Variants in TBPL1 observed in about 807,000 individuals in gnomAD.
TBPL1 encodes the protein TATA box-binding protein-like 1.
TBPL1 carries 4 observed loss-of-function variants against 22.1 expected under a neutral mutation model. The ratio of observed to expected loss-of-function variants is 0.18; its 90% confidence interval spans 0.09 to 0.41. The LOEUF (loss-of-function observed/expected upper bound fraction) is 0.41, where lower values mean the gene tolerates loss of function less well. Among genes scored for constraint, TBPL1 ranks in the 10% least tolerant of loss-of-function variants. The pLI is 1.00. For synonymous variants in TBPL1, 64 were observed against 71.0 expected (o/e 0.90, Z 0.50); for missense variants, 115 against 222.3 (o/e 0.52, Z 3.07).
intron 1 of TBPL1, among the ~76,000 whole-genome samples, chr6:133,958,689 T>G (rs1775967282): frequency 6.6e-6 from 1 of 152,220 alleles, no homozygotes; most frequent in Non-Finnish European, 1.5e-5. Flanking sequence ...AATTGCAGAC[T>G]GTTCTTTCCT....
At chr6:133,967,199 T>TG (rs1776135062) in intron 1 of TBPL1, among the ~76,000 whole-genome samples, 2 of 152,198 alleles carry the variant, frequency 1.3e-5, no homozygotes, top group Non-Finnish European at 2.9e-5. Flanking sequence ...TCCCCTAGTA[T>TG]GGGTCTTAAT....
chr6:133,958,931 G>A (rs924614663), intron 1 of TBPL1, among the ~76,000 whole-genome samples: 7 of 152,208 alleles, frequency 4.6e-5, no homozygotes, highest in Non-Finnish European at 8.8e-5. Context: ...GTATTTAGAG[G>A]TGTGACTTTT....
At chr6:133,954,839 CTAT>C (rs1775899512) in intron 1 of TBPL1, among the ~76,000 whole-genome samples, 1 of 152,090 alleles carries the variant, frequency 6.6e-6, no homozygotes, top group Admixed American at 6.5e-5. Context: ...CTCTAGTGAC[CTAT>C]TACTATGTGC....
At chr6:133,972,808 C>T (rs777791416) in intron 1 of TBPL1, among the ~76,000 whole-genome samples, 2 of 152,082 alleles carry the variant, frequency 1.3e-5, no homozygotes, top group Non-Finnish European at 2.9e-5. Context: ...GTAATAGCCA[C>T]CATTTAATGA....
chr6:133,972,515 T>C (rs1397525942), intron 1 of TBPL1, among the ~76,000 whole-genome samples: 1 of 152,212 alleles, frequency 6.6e-6, no homozygotes, highest in Non-Finnish European at 1.5e-5. Flanking sequence ...GTAAATATTT[T>C]AGGCTTGTGG....
chr6:133,969,049 A>G (rs1289337856), intron 1 of TBPL1: 1 of 152,194 alleles, frequency 6.6e-6, no homozygotes, highest in African/African-American at 2.4e-5. Context: ...AAACATTATT[A>G]AGATGAGACA....
rs1349066512 is a variant in TBPL1, at chr6:133,985,296, AAATATATATATATATATATATAT to A, written c.481+627_481+649del. Among the ~76,000 whole-genome samples the A allele has an allele frequency of 8.8e-4, 61 of 69,020 alleles. 17 individuals are homozygous for A. Among genetic ancestry groups the A allele is most frequent in the Non-Finnish European group, 1.5e-3 (55 of 35,618 alleles). The allele number at this position is 69,020 out of a possible 152,430, so 45.3% of individuals were successfully genotyped here. On this transcript the variant is annotated intron_variant, in intron 6 of 6. Coordinates refer to ENST00000237264, the MANE Select transcript of TBPL1 (RefSeq NM_004865.4). Reference sequence around the variant, plus strand: ...CTGTCTAAAAAAAAAAAAAAAAAAAAAATATATATATATATATATATATATATATATATATATATATACACACA... The same window carrying A: ...CTGTCTAAAAAAAAAAAAAAAAAAAAATATATATATATATATATACACACA...
At position 133,987,100 on chromosome 6, in the gene TBPL1, G is replaced by T; in HGVS notation, c.*60G>T. The T allele has an allele frequency of 1.7e-6, 2 of 1,178,234 alleles. No individual in the cohort carries two copies. The highest frequency in any genetic ancestry group is 2.4e-6 in the Non-Finnish European group (2 of 820,944). The allele number at this position is 1,178,234 out of a possible 1,614,324, so 73.0% of individuals were successfully genotyped here. A position where few individuals can be genotyped will look rare whatever the true frequency, so the allele number is the denominator to read the frequency against. On this transcript the variant is annotated 3_prime_UTR_variant, in exon 7 of 7. Coordinates refer to ENST00000237264, the MANE Select transcript of TBPL1 (RefSeq NM_004865.4). ...CACCTTTTAAACCTGCTGCACATTG[G>T]ACTCAAAAGGAAAACTGGACCAACA...
intron 6 of TBPL1, among the ~76,000 whole-genome samples, chr6:133,985,567 AG>A (rs1776504665): frequency 6.6e-6 from 1 of 151,824 alleles, no homozygotes; most frequent in African/African-American, 2.4e-5. Context: ...CATGTCAGAG[AG>A]TAGCATTAGC....
intron 1 of TBPL1, among the ~76,000 whole-genome samples, chr6:133,967,226 C>T (rs1213717393): frequency 3.3e-5 from 5 of 152,162 alleles, no homozygotes; most frequent in Non-Finnish European, 7.3e-5. Context: ...ATTTCCAGTT[C>T]ATTGTTATAG....
intron 1 of TBPL1, among the ~76,000 whole-genome samples, chr6:133,964,196 T>A (rs1157777942): frequency 6.6e-6 from 1 of 152,172 alleles, no homozygotes; most frequent in Non-Finnish European, 1.5e-5. Context: ...AATTTCAGGT[T>A]TTAAAAATGT....
chr6:133,976,276 A>C (rs1040539997), intron 1 of TBPL1, among the ~76,000 whole-genome samples: 13 of 152,220 alleles, frequency 8.5e-5, no homozygotes, highest in African/African-American at 3.1e-4. Context: ...TATAGTTAAG[A>C]GTTTGAAATG....
chr6:133,953,013 T>G (rs1189635709), upstream of TBPL1, among the ~76,000 whole-genome samples: 8 of 142,608 alleles, frequency 5.6e-5, no homozygotes, highest in South Asian at 2.4e-4. Context: ...GCCCAGCGGG[T>G]GGGCAGGAGG....
intron 1 of TBPL1, among the ~76,000 whole-genome samples, 199 bp downstream of exon 1, chr6:133,953,624 C>T (rs1775876598): frequency 6.6e-6 from 1 of 151,940 alleles, no homozygotes; most frequent in African/African-American, 2.4e-5. Context: ...GGGCTCAGTT[C>T]TGAAGAGGAC....
chr6:133,963,556 G>C (rs1205238889), intron 1 of TBPL1, among the ~76,000 whole-genome samples: 2 of 152,082 alleles, frequency 1.3e-5, no homozygotes, highest in African/African-American at 4.8e-5. Context: ...GAGTAGCTGG[G>C]CCTATAGGCA....
At position 133,982,926 on chromosome 6, in the gene TBPL1, AT is replaced by A. The variant is rs773794802; in HGVS notation, c.282+51del. 19 of 1,520,392 alleles carry A rather than the reference AT, an allele frequency of 1.2e-5. No individual in the cohort carries two copies. In the South Asian group the frequency reaches 2.1e-4, roughly 17 times the overall value. The allele number at this position is 1,520,392 out of a possible 1,614,324, so 94.2% of individuals were successfully genotyped here. A position where few individuals can be genotyped will look rare whatever the true frequency, so the allele number is the denominator to read the frequency against. ...CTAAACTACAAATATTCAAGGACTTATTTTTATAGAATTAAAAATTGTAATA... is the reference window on the plus strand; with the variant it reads ...CTAAACTACAAATATTCAAGGACTTATTTTATAGAATTAAAAATTGTAATA... On this transcript the variant is annotated intron_variant, in intron 4 of 6. Coordinates refer to ENST00000237264, the MANE Select transcript of TBPL1 (RefSeq NM_004865.4).
intron 1 of TBPL1, among the ~76,000 whole-genome samples, chr6:133,957,588 GT>G (rs1346145499): frequency 5.9e-4 from 90 of 152,232 alleles, no homozygotes; most frequent in Non-Finnish European, 1.5e-4. Flanking sequence ...AGACAGAAGA[GT>G]TTTGATCAGA....
At chr6:133,984,165 C>G (rs903748786) in intron 4 of TBPL1, among the ~76,000 whole-genome samples, 1 of 152,106 alleles carries the variant, frequency 6.6e-6, no homozygotes, top group Non-Finnish European at 1.5e-5. Flanking sequence ...ATGCAAATAC[C>G]TCAGTTTTTA....
chr6:133,969,081 A>T (rs1249218914), intron 1 of TBPL1: 1 of 152,176 alleles, frequency 6.6e-6, no homozygotes, highest in Non-Finnish European at 1.5e-5. Flanking sequence ...ATATCTTCTT[A>T]TATTGCAAAA....
Sources: gnomAD v4.1 joint callset for allele counts (sites outside exome capture counted in the v4.1 genomes callset) on GRCh38, gnomAD v4.1.1 for gene constraint, MANE v1.5 for transcripts, NCBI Gene and HGNC (gene_info 2026-07-23, HGNC 2026-07-21) for gene names.